AP3B1: variants seen among roughly 807,000 people sequenced by gnomAD.
The protein encoded by AP3B1 is adaptor related protein complex 3 subunit beta 1.
AP3B1 carries 61 observed loss-of-function variants against 132.5 expected under a neutral mutation model. That is an observed-to-expected ratio of 0.46 (90% CI 0.37 to 0.57). The LOEUF is 0.57. AP3B1 is among the 20% of genes least tolerant of loss of function. The pLI is 0.00. For missense variants in AP3B1, 1,120 were observed against 1,289.4 expected, an observed-to-expected ratio of 0.87 and a Z score of 2.01; for synonymous variants, 388 against 438.3, an observed-to-expected ratio of 0.89 and a Z score of 1.43.
chr5:78,247,338 T>C (rs1406541489), intron 2 of AP3B1, among the ~76,000 whole-genome samples: 1 of 150,120 alleles, frequency 6.7e-6, no homozygotes, highest in Non-Finnish European at 1.5e-5. Flanking sequence ...ATTTCGCTAC[T>C]GTTGAGTAGA....
intron 3 of AP3B1, among the ~76,000 whole-genome samples, chr5:78,237,913 T>C (rs1428315958): frequency 6.6e-6 from 1 of 152,248 alleles, no homozygotes; most frequent in African/African-American, 2.4e-5. Flanking sequence ...GACAATTTCA[T>C]TGTTGTGCAA....
chr5:78,041,776 T>G (rs1279333337), intron 22 of AP3B1: 2 of 152,910 alleles, frequency 1.3e-5, no homozygotes, highest in Non-Finnish European at 2.9e-5. Flanking sequence ...TTCTTTTCCT[T>G]GAATAAAAAC....
intron 21 of AP3B1, among the ~76,000 whole-genome samples, chr5:78,090,749 A>G (rs1750473832): frequency 6.6e-6 from 1 of 152,224 alleles, no homozygotes; most frequent in Non-Finnish European, 1.5e-5. Flanking sequence ...TTAGCTTCCA[A>G]CAAATTCTCA....
Position 78,162,357 on chromosome 5 carries a change from T to C in AP3B1, c.1363+462A>G, listed in dbSNP as rs564798029. On this transcript the variant is annotated intron_variant, in intron 13 of 26. Coordinates refer to ENST00000255194, the MANE Select transcript of AP3B1 (RefSeq NM_003664.5). ...TTTTAAATCTAGTTAATTTTGAATA[T>C]AATTAGGTGAATTTCTGAGGAAAAA... 1.1e-3 allele frequency among the ~76,000 whole-genome samples: 167 copies of C among 152,286 alleles called. 1 individual carries two copies. Among genetic ancestry groups the C allele is most frequent in the African/African-American group, 3.8e-3 (157 of 41,574 alleles).
At position 78,064,819 on chromosome 5, in the gene AP3B1, G is replaced by A. The variant is rs139282484; in HGVS notation, c.2577+24574C>T. Among the ~76,000 whole-genome samples, 210 of 152,294 alleles carry A rather than the reference G, an allele frequency of 1.4e-3. 1 individual carries two copies. The highest frequency in any genetic ancestry group is 4.9e-3 in the African/African-American group (203 of 41,560). ...TTACATGCTAAGTAATAAAAGGAAT[G>A]TGTAAGTAGCACAACCACTTTCTAG... On this transcript the variant is annotated intron_variant, in intron 22 of 26. Transcript: ENST00000255194.
intron 17 of AP3B1, among the ~76,000 whole-genome samples, chr5:78,120,588 G>C (rs1752128750): frequency 2.6e-5 from 4 of 152,060 alleles, no homozygotes; most frequent in Admixed American, 2.6e-4. Context: ...GATCAAAAGA[G>C]ACAAAGAAGG....
At chr5:78,214,134 G>T (rs111696874) in intron 7 of AP3B1, among the ~76,000 whole-genome samples, 3 of 152,254 alleles carry the variant, frequency 2.0e-5, no homozygotes, top group African/African-American at 7.2e-5. Context: ...GCAAGTAAGT[G>T]GCAAAGAAAA....
intron 15 of AP3B1, among the ~76,000 whole-genome samples, chr5:78,139,239 T>C (rs17192447): frequency 0.16 from 25,035 of 152,112 alleles, 2,598 homozygotes; most frequent in Admixed American, 0.26. Flanking sequence ...ACTTTAACAA[T>C]AATCCATAAG....
intron 15 of AP3B1, among the ~76,000 whole-genome samples, chr5:78,132,871 T>A (rs1752748777): frequency 6.6e-6 from 1 of 152,190 alleles, no homozygotes. Context: ...ACTTCCACTT[T>A]AAAAAATATA....
chr5:78,036,455 T>C (rs1045050794), intron 23 of AP3B1, among the ~76,000 whole-genome samples: 3 of 152,136 alleles, frequency 2.0e-5, no homozygotes, highest in Admixed American at 6.5e-5. Flanking sequence ...CATGAAATCA[T>C]ATAGGATGCC....
At chr5:78,051,572 A>G (rs1748586024) in intron 22 of AP3B1, among the ~76,000 whole-genome samples, 1 of 152,200 alleles carries the variant, frequency 6.6e-6, no homozygotes, top group Non-Finnish European at 1.5e-5. Context: ...TTCAGCATCC[A>G]CATTACTATT....
chr5:78,025,984 T>A (rs1747325919), intron 24 of AP3B1, among the ~76,000 whole-genome samples: 1 of 152,198 alleles, frequency 6.6e-6, no homozygotes, highest in South Asian at 2.1e-4. Context: ...TTTACATGAG[T>A]GTTCTAGGAT....
chr5:78,086,622 C>G (rs536423130), intron 22 of AP3B1, among the ~76,000 whole-genome samples: 1 of 152,222 alleles, frequency 6.6e-6, no homozygotes, highest in South Asian at 2.1e-4. Flanking sequence ...TAAAAGATGC[C>G]ACTAGCTTTA....
rs373299408 is a variant in AP3B1 at position 78,006,468 on chromosome 5, C to T, written c.3132-3413G>A. ...TTTTGTAGTAATGCGTAATTCAAAGCGTGCGGACTTGATTCCTCATATATT... is the reference window on the plus strand; with the variant it reads ...TTTTGTAGTAATGCGTAATTCAAAGTGTGCGGACTTGATTCCTCATATATT... On this transcript the variant is annotated intron_variant, in intron 26 of 26. Transcript: ENST00000255194. Among the ~76,000 whole-genome samples, 8 of 152,140 alleles carry T rather than the reference C, an allele frequency of 5.3e-5. No homozygotes were observed. In the East Asian group the frequency reaches 1.2e-3, roughly 22 times the overall value.
At chr5:78,100,526 T>C (rs1488628660) in intron 21 of AP3B1, among the ~76,000 whole-genome samples, 1 of 152,180 alleles carries the variant, frequency 6.6e-6, no homozygotes, top group Non-Finnish European at 1.5e-5. Flanking sequence ...CCCATTTCCA[T>C]TCCTACTGAA....
At chr5:78,198,926 A>C (rs1745179902) in intron 7 of AP3B1, among the ~76,000 whole-genome samples, 1 of 152,228 alleles carries the variant, frequency 6.6e-6, no homozygotes, top group South Asian at 2.1e-4. Flanking sequence ...CTTCCCCAAA[A>C]TTTGTGTCTA....
intron 17 of AP3B1, among the ~76,000 whole-genome samples, chr5:78,124,160 G>A (rs1384413781): frequency 6.6e-6 from 1 of 152,088 alleles, no homozygotes; most frequent in African/African-American, 2.4e-5. Context: ...AGAACACATG[G>A]ACACAGGAAG....
At chr5:78,007,309 G>C (rs555497364) in intron 26 of AP3B1, among the ~76,000 whole-genome samples, 2 of 152,172 alleles carry the variant, frequency 1.3e-5, no homozygotes, top group Non-Finnish European at 2.9e-5. Context: ...ACAGCTCTAA[G>C]ACATGCTTTT....
chr5:78,123,191 T>A lies in AP3B1; in HGVS notation c.1968+4839A>T, dbSNP rs541203856. 3.1e-3 allele frequency among the ~76,000 whole-genome samples: 475 copies of A among 152,318 alleles called. 1 individual carries two copies. The highest frequency in any genetic ancestry group is 0.011 in the African/African-American group (444 of 41,568). On this transcript the variant is annotated intron_variant, in intron 17 of 26. Transcript: ENST00000255194. ...CCCTTCCTTACACCTTATACAAAAA[T>A]TAATTCAAGATGGATTAAAGACTTA... is the stretch of plus-strand genomic sequence containing the variant.
Sources: allele counts gnomAD v4.1 joint callset (sites outside exome capture counted in the v4.1 genomes callset), GRCh38; gene constraint gnomAD v4.1.1; transcripts MANE v1.5; gene names NCBI Gene and HGNC (gene_info 2026-07-23, HGNC 2026-07-21).